The following SETBP1 variants were observed in gnomAD, a reference collection of about 807,000 sequenced individuals.
The protein encoded by SETBP1 is SET-binding protein.
In SETBP1, 9 loss-of-function variants were observed where a neutral mutation model predicts 101.0. The observed-to-expected ratio is 0.09, with a 90% CI of 0.05 to 0.16. SETBP1 has a LOEUF of 0.16. Among genes scored for constraint, SETBP1 ranks in the 10% least tolerant of loss-of-function variants. The pLI, the probability that SETBP1 is intolerant of heterozygous loss-of-function variation, is 1.00. For missense variants in SETBP1, 1,858 were observed against 2,033.8 expected, an observed-to-expected ratio of 0.91 and a Z score of 1.66; for synonymous variants, 818 against 788.5, an observed-to-expected ratio of 1.04 and a Z score of -0.63.
chr18:44,976,781 G>C (rs527691801), intron 4 of SETBP1, among the ~76,000 whole-genome samples: 1 of 152,264 alleles, frequency 6.6e-6, no homozygotes, highest in African/African-American at 2.4e-5. Flanking sequence ...TATACAGAGA[G>C]GCATAGATGT....
At chr18:44,966,195 A>G (rs964212247) in intron 4 of SETBP1, among the ~76,000 whole-genome samples, 3 of 152,244 alleles carry the variant, frequency 2.0e-5, no homozygotes, top group Admixed American at 2.0e-4. Flanking sequence ...CATTAAGTCT[A>G]AAACTATCTG....
intron 3 of SETBP1, among the ~76,000 whole-genome samples, chr18:44,919,851 TATG>T (rs1347860731): frequency 6.6e-6 from 1 of 152,150 alleles, no homozygotes; most frequent in African/African-American, 2.4e-5. Flanking sequence ...TATAGGTTTG[TATG>T]TATGTCAGAT....
intron 2 of SETBP1, among the ~76,000 whole-genome samples, chr18:44,787,102 G>C (rs1001972319): frequency 6.6e-6 from 1 of 152,184 alleles, no homozygotes; most frequent in African/African-American, 2.4e-5. Flanking sequence ...AGGGACAATA[G>C]TGCTTTCAAA....
At chr18:44,856,689 T>C (rs1210355012) in intron 2 of SETBP1, among the ~76,000 whole-genome samples, 1 of 152,240 alleles carries the variant, frequency 6.6e-6, no homozygotes, top group Non-Finnish European at 1.5e-5. Flanking sequence ...GCAAAACTCT[T>C]GTAAATTTTA....
At chr18:44,833,937 G>A (rs1240595780) in intron 2 of SETBP1, among the ~76,000 whole-genome samples, 1 of 152,236 alleles carries the variant, frequency 6.6e-6, no homozygotes, top group Non-Finnish European at 1.5e-5. Flanking sequence ...TGGCATGAAA[G>A]AAAATAAATT....
chr18:44,937,260 G>A (rs1468068214), intron 3 of SETBP1, among the ~76,000 whole-genome samples: 2 of 151,542 alleles, frequency 1.3e-5, no homozygotes, highest in Non-Finnish European at 2.9e-5. Context: ...AGACCATCCC[G>A]GCTAAAACGG....
At chr18:44,996,514 C>T (rs1432395501) in intron 4 of SETBP1, among the ~76,000 whole-genome samples, 1 of 152,220 alleles carries the variant, frequency 6.6e-6, no homozygotes, top group African/African-American at 2.4e-5. Flanking sequence ...TGGATTTTAA[C>T]TCTGTCAGGC....
At chr18:44,681,679 G>T (rs2068762972) in intron 1 of SETBP1, among the ~76,000 whole-genome samples, 1 of 152,092 alleles carries the variant, frequency 6.6e-6, no homozygotes, top group South Asian at 2.1e-4. Flanking sequence ...TGAGAGTGTG[G>T]AAGGGGAGTT....
intron 2 of SETBP1, among the ~76,000 whole-genome samples, chr18:44,848,998 A>C (rs771294002): frequency 6.6e-6 from 1 of 152,230 alleles, no homozygotes. Flanking sequence ...CCAAAAATCA[A>C]GGAAGAAAAT....
chr18:44,931,565 T>C (rs1044761426), intron 3 of SETBP1, among the ~76,000 whole-genome samples: 2 of 152,210 alleles, frequency 1.3e-5, no homozygotes, highest in African/African-American at 4.8e-5. Flanking sequence ...TTTTATTCTG[T>C]GGGAGTCTAA....
upstream of SETBP1, chr18:44,680,218 C>T (rs976510318): frequency 2.8e-5 from 4 of 145,426 alleles, no homozygotes; most frequent in African/African-American, 9.9e-5. Flanking sequence ...GCCGCCTCCG[C>T]GCGCCCGGGG....
chr18:44,844,029 A>G (rs980022045), intron 2 of SETBP1, among the ~76,000 whole-genome samples: 1 of 151,870 alleles, frequency 6.6e-6, no homozygotes, highest in African/African-American at 2.4e-5. Flanking sequence ...CAAAGGCTCA[A>G]TTTTCACTCC....
chr18:45,020,032 T>C (rs1001089366), intron 4 of SETBP1, among the ~76,000 whole-genome samples: 5 of 151,912 alleles, frequency 3.3e-5, no homozygotes, highest in Non-Finnish European at 4.4e-5. Context: ...ATATAAAATA[T>C]GGTTGGTATT....
intron 3 of SETBP1, among the ~76,000 whole-genome samples, chr18:44,912,215 A>G (rs977695832): frequency 6.6e-6 from 1 of 152,202 alleles, no homozygotes; most frequent in African/African-American, 2.4e-5. Flanking sequence ...TCGACTAAAC[A>G]TGAAAGTTTT....
chr18:44,930,637 A>T (rs1335573047), intron 3 of SETBP1, among the ~76,000 whole-genome samples: 2 of 152,072 alleles, frequency 1.3e-5, no homozygotes, highest in East Asian at 3.9e-4. Context: ...CTATTCAGGG[A>T]TTCAACTTCT....
At chr18:44,908,680 C>A (rs1198412637) in intron 3 of SETBP1, among the ~76,000 whole-genome samples, 5 of 152,118 alleles carry the variant, frequency 3.3e-5, no homozygotes, top group Non-Finnish European at 7.3e-5. Flanking sequence ...AGGTCCATGG[C>A]ATTTCAATAT....
chr18:45,058,209 G>A lies in SETBP1; in HGVS notation c.4172-4870G>A, dbSNP rs546463315. Among the ~76,000 whole-genome samples the A allele has an allele frequency of 2.6e-5, 4 of 152,282 alleles. No individual in the cohort carries two copies. In the South Asian group the frequency reaches 8.3e-4, roughly 32 times the overall value. ...ATATAGGACAATTGTAGGAAGGAGA[G>A]CAAATATGGAATCAATCTTGCAGCA... On this transcript the variant is annotated intron_variant, in intron 5 of 5. Transcript: ENST00000649279.
chr18:45,037,508 A>G (rs1348966014), intron 4 of SETBP1, among the ~76,000 whole-genome samples: 1 of 152,190 alleles, frequency 6.6e-6, no homozygotes, highest in Non-Finnish European at 1.5e-5. Flanking sequence ...TCGGATGCTC[A>G]CAACAGCCCC....
intron 5 of SETBP1, among the ~76,000 whole-genome samples, chr18:45,057,359 CA>C (rs2073826294): frequency 6.6e-6 from 1 of 151,866 alleles, no homozygotes; most frequent in Non-Finnish European, 1.5e-5. Context: ...CCAAGGCAAG[CA>C]GAAGTACAAA....
Sources: gnomAD v4.1 joint callset for allele counts (sites outside exome capture counted in the v4.1 genomes callset) on GRCh38, gnomAD v4.1.1 for gene constraint, MANE v1.5 for transcripts, NCBI Gene and HGNC (gene_info 2026-07-23, HGNC 2026-07-21) for gene names.